KSR2: variants seen among roughly 807,000 people sequenced by gnomAD.
KSR2 encodes kinase suppressor of ras 2.
In KSR2, 25 loss-of-function variants were observed where a neutral mutation model predicts 107.8. The observed-to-expected ratio is 0.23, with a 90% CI of 0.17 to 0.32. KSR2 has a LOEUF of 0.32. KSR2 is among the 10% of genes least tolerant of loss of function. The pLI is 1.00. For missense variants in KSR2, 887 were observed against 1,268.9 expected, an observed-to-expected ratio of 0.70 and a Z score of 4.57; for synonymous variants, 480 against 507.0, an observed-to-expected ratio of 0.95 and a Z score of 0.71.
chr12:117,598,190 T>C (rs528461611), intron 5 of KSR2, among the ~76,000 whole-genome samples: 122 of 152,286 alleles, frequency 8.0e-4, no homozygotes, highest in African/African-American at 2.7e-3. Context: ...TGCCTTTGCA[T>C]CCCCATAGCT....
chr12:117,924,271 T>C (rs189545043), intron 1 of KSR2, among the ~76,000 whole-genome samples: 43 of 150,948 alleles, frequency 2.8e-4, no homozygotes, highest in African/African-American at 8.8e-4. Context: ...CATAACTATA[T>C]AGAAAAAAAA....
At chr12:117,965,338 G>A (rs1343404274) in intron 1 of KSR2, among the ~76,000 whole-genome samples, 1 of 152,176 alleles carries the variant, frequency 6.6e-6, no homozygotes, top group Non-Finnish European at 1.5e-5. Context: ...CTTGTTACAT[G>A]AAGAGAAACC....
chr12:117,612,703 A>G (rs896851341), intron 5 of KSR2, among the ~76,000 whole-genome samples: 3 of 152,192 alleles, frequency 2.0e-5, no homozygotes, highest in Non-Finnish European at 4.4e-5. Context: ...TCTGAACCTC[A>G]CTATAATAAT....
intron 3 of KSR2, among the ~76,000 whole-genome samples, chr12:117,847,690 G>C (rs1365626530): frequency 1.3e-5 from 2 of 152,162 alleles, no homozygotes; most frequent in African/African-American, 4.8e-5. Flanking sequence ...CCCACCGTGG[G>C]GGCTGGCCCT....
At chr12:117,471,725 T>C (rs1311123624) in intron 17 of KSR2, among the ~76,000 whole-genome samples, 1 of 152,162 alleles carries the variant, frequency 6.6e-6, no homozygotes, top group African/African-American at 2.4e-5. Context: ...ATATGCATTA[T>C]GGTAAATCCA....
intron 1 of KSR2, among the ~76,000 whole-genome samples, chr12:117,931,848 C>T (rs2065732720): frequency 6.6e-6 from 1 of 152,202 alleles, no homozygotes; most frequent in African/African-American, 2.4e-5. Context: ...GGACACTGAG[C>T]TGAGCATTTT....
intron 3 of KSR2, among the ~76,000 whole-genome samples, chr12:117,807,883 C>T (rs961804866): frequency 3.9e-5 from 6 of 152,202 alleles, no homozygotes; most frequent in Non-Finnish European, 7.3e-5. Context: ...CTCAAAGTTC[C>T]CTTCATTCAA....
intron 4 of KSR2, among the ~76,000 whole-genome samples, chr12:117,746,920 A>T (rs968208383): frequency 6.6e-6 from 1 of 152,218 alleles, no homozygotes; most frequent in African/African-American, 2.4e-5. Flanking sequence ...ATTATTAAAA[A>T]GTCAGGAAAC....
At chr12:117,570,747 A>G (rs930524719) in intron 7 of KSR2, among the ~76,000 whole-genome samples, 1 of 152,200 alleles carries the variant, frequency 6.6e-6, no homozygotes, top group African/African-American at 2.4e-5. Context: ...ATCTCATCAC[A>G]TGGAATGAAT....
intron 5 of KSR2, among the ~76,000 whole-genome samples, chr12:117,603,805 CA>C (rs138141028): frequency 0.032 from 4,913 of 152,324 alleles, 140 homozygotes; most frequent in East Asian, 0.15. Context: ...GGAGGTCAGA[CA>C]CGCCTCATTA....
chr12:117,939,962 C>CACACAT (rs1416229026), intron 1 of KSR2, among the ~76,000 whole-genome samples: 1 of 151,534 alleles, frequency 6.6e-6, no homozygotes, highest in African/African-American at 2.4e-5. Flanking sequence ...CACACACACA[C>CACACAT]ACACACACAC....
intron 9 of KSR2, among the ~76,000 whole-genome samples, chr12:117,549,658 A>G (rs578148391): frequency 6.6e-6 from 1 of 152,326 alleles, no homozygotes; most frequent in East Asian, 1.9e-4. Context: ...TGTATGGAAG[A>G]ACAGGAGAGA....
chr12:117,848,340 G>A (rs1345069775), intron 3 of KSR2, among the ~76,000 whole-genome samples: 2 of 152,238 alleles, frequency 1.3e-5, no homozygotes, highest in African/African-American at 4.8e-5. Context: ...AGACGCTGAA[G>A]TTCCCAGTTT....
At chr12:117,474,480 A>T (rs1871654104) in intron 17 of KSR2, among the ~76,000 whole-genome samples, 1 of 152,026 alleles carries the variant, frequency 6.6e-6, no homozygotes, top group African/African-American at 2.4e-5. Context: ...TGTCTCTGTA[A>T]CATCTCTCGG....
chr12:117,577,342 A>T (rs1449886109), intron 7 of KSR2, among the ~76,000 whole-genome samples: 1 of 138,228 alleles, frequency 7.2e-6, no homozygotes, highest in African/African-American at 3.2e-5. Flanking sequence ...TACGTAATAC[A>T]TGTTTACAGA....
intron 16 of KSR2, among the ~76,000 whole-genome samples, chr12:117,478,997 C>A (rs1011620052): frequency 2.0e-5 from 3 of 152,188 alleles, no homozygotes; most frequent in Non-Finnish European, 2.9e-5. Flanking sequence ...GCAGATCACA[C>A]CTGTAGAAAC....
intron 3 of KSR2, among the ~76,000 whole-genome samples, chr12:117,809,571 C>A (rs1305913431): frequency 6.6e-6 from 1 of 152,210 alleles, no homozygotes; most frequent in Non-Finnish European, 1.5e-5. Context: ...AAATAACCCC[C>A]TTGCCTCATC....
At chr12:117,508,537 CAGAT>C (rs1396799215) in intron 14 of KSR2, among the ~76,000 whole-genome samples, 1 of 151,820 alleles carries the variant, frequency 6.6e-6, no homozygotes, top group Non-Finnish European at 1.5e-5. Context: ...GGTGATTAAA[CAGAT>C]GGGTGGGTAG....
In KSR2 at chr12:117,551,039, T is replaced by C. The variant is rs145592650; in HGVS notation, c.1518+4130A>G. 5.0e-3 allele frequency among the ~76,000 whole-genome samples: 756 copies of C among 152,328 alleles called. 3 individuals are homozygous for C. The highest frequency in any genetic ancestry group is 8.3e-3 in the Non-Finnish European group (565 of 68,026). On this transcript the variant is annotated intron_variant, in intron 9 of 19. Coordinates refer to ENST00000339824, the MANE Select transcript of KSR2 (RefSeq NM_173598.6). ...ACCAACCAACAAAAGCAAACCAGCATGCAGCCACTTCAAACAGCTTGAATA... is the reference window on the plus strand; with the variant it reads ...ACCAACCAACAAAAGCAAACCAGCACGCAGCCACTTCAAACAGCTTGAATA...
Sources: allele counts gnomAD v4.1 joint callset (sites outside exome capture counted in the v4.1 genomes callset), GRCh38; gene constraint gnomAD v4.1.1; transcripts MANE v1.5; gene names NCBI Gene and HGNC (gene_info 2026-07-23, HGNC 2026-07-21).